Variants in NEDD4 observed in about 807,000 individuals in gnomAD.
NEDD4 encodes NEDD4 E3 ubiquitin protein ligase.
In NEDD4, 99 loss-of-function variants were observed where a neutral mutation model predicts 144.9. The ratio of observed to expected loss-of-function variants is 0.68; its 90% CI spans 0.58 to 0.81. NEDD4 has a LOEUF of 0.81. Among genes scored for constraint, NEDD4 ranks in the 30% least tolerant of loss-of-function variants. NEDD4 has a pLI of 0.00. For missense variants in NEDD4, 985 were observed against 1,065.9 expected, an observed-to-expected ratio of 0.92 and a Z score of 1.06; for synonymous variants, 318 against 350.6, an observed-to-expected ratio of 0.91 and a Z score of 1.04.
intron 12 of NEDD4, among the ~76,000 whole-genome samples, chr15:55,854,315 G>A (rs144322621): frequency 5.9e-5 from 9 of 152,242 alleles, no homozygotes; most frequent in Middle Eastern, 3.4e-3. Context: ...GGAGTCCTAC[G>A]TACTTTGGGG....
Position 55,891,911 on chromosome 15 carries a change from CAGTTA to C in NEDD4, c.292-17908_292-17904del, listed in dbSNP as rs1262331467. ...TAATAAAAAATCAGAATTTAAAAAA[CAGTTA>C]AGTTAAAGTGTCACAACTTTGAAGA... is the stretch of plus-strand genomic sequence containing the variant. On this transcript the variant is annotated intron_variant, in intron 5 of 28. Coordinates refer to ENST00000435532, the MANE Select transcript of NEDD4 (RefSeq NM_006154.4). 2.0e-5 allele frequency among the ~76,000 whole-genome samples: 3 copies of C among 152,062 alleles called. No homozygotes were observed. In the East Asian group the frequency reaches 5.8e-4, roughly 29 times the overall value.
intron 1 of NEDD4, among the ~76,000 whole-genome samples, chr15:55,966,834 G>A (rs1356083762): frequency 6.6e-6 from 1 of 152,024 alleles, no homozygotes; most frequent in Non-Finnish European, 1.5e-5. Context: ...CAACTAATAG[G>A]AATTTCCAAT....
chr15:55,965,857 G>A (rs1012173410), intron 2 of NEDD4, among the ~76,000 whole-genome samples: 6 of 151,850 alleles, frequency 4.0e-5, no homozygotes, highest in African/African-American at 7.3e-5. Flanking sequence ...CACCATGTTG[G>A]TCAGGCTGGT....
chr15:55,950,585 A>G (rs2037219952), intron 4 of NEDD4, among the ~76,000 whole-genome samples: 1 of 152,194 alleles, frequency 6.6e-6, no homozygotes, highest in Non-Finnish European at 1.5e-5. Context: ...GGCAGCAGGG[A>G]AGTCACTGGT....
At chr15:55,901,358 G>A (rs1444309890) in intron 5 of NEDD4, among the ~76,000 whole-genome samples, 1 of 152,070 alleles carries the variant, frequency 6.6e-6, no homozygotes, top group African/African-American at 2.4e-5. Context: ...ACCAATTATT[G>A]GATATTCAAT....
At chr15:55,844,309 G>T (rs1238557912) in intron 18 of NEDD4, among the ~76,000 whole-genome samples, 1 of 152,108 alleles carries the variant, frequency 6.6e-6, no homozygotes, top group African/African-American at 2.4e-5. Context: ...GGAGCCACAC[G>T]GTCAGATTGC....
intron 5 of NEDD4, among the ~76,000 whole-genome samples, chr15:55,921,308 G>A (rs1456304245): frequency 6.6e-6 from 1 of 151,874 alleles, no homozygotes; most frequent in Non-Finnish European, 1.5e-5. Flanking sequence ...AGTCCTTAGT[G>A]TGGGGATCTA....
chr15:55,903,961 A>AC (rs1172410879), intron 5 of NEDD4, among the ~76,000 whole-genome samples: 1 of 151,706 alleles, frequency 6.6e-6, no homozygotes, highest in Non-Finnish European at 1.5e-5. Context: ...GGAGTTTGAG[A>AC]CCAGCCTGGC....
chr15:55,974,891 C>CTT (rs56285555), intron 1 of NEDD4, among the ~76,000 whole-genome samples: 10,729 of 75,546 alleles, frequency 0.14, 1,543 homozygotes, highest in East Asian at 0.36. Flanking sequence ...CTTTTCCTTT[C>CTT]TTTTTTTTTT....
chr15:55,902,252 T>A (rs1378094605), intron 5 of NEDD4, among the ~76,000 whole-genome samples: 1 of 152,140 alleles, frequency 6.6e-6, no homozygotes, highest in Non-Finnish European at 1.5e-5. Flanking sequence ...GATGTGAATA[T>A]CAGAAAATAG....
At chr15:55,914,750 T>G (rs1205895160) in intron 5 of NEDD4, among the ~76,000 whole-genome samples, 1 of 152,002 alleles carries the variant, frequency 6.6e-6, no homozygotes, top group African/African-American at 2.4e-5. Context: ...ACACATGTAT[T>G]TGAGATATAG....
Position 55,834,290 on chromosome 15 carries a change from G to GA in NEDD4, c.2263-5dup, listed in dbSNP as rs745638113. On this transcript the variant is annotated splice_region_variant and splice_polypyrimidine_tract_variant and intron_variant, in intron 24 of 28. Transcript: ENST00000435532. ...GTGGTATTAGTTCAAAGAATCCCTA[G>GA]AAAAAAGATGTATTTAAAAACTTGA... 5 of 1,592,930 alleles carry GA rather than the reference G, an allele frequency of 3.1e-6. No homozygotes were observed. The highest frequency in any genetic ancestry group is 2.2e-5 in the East Asian group (1 of 44,728).
chr15:55,894,933 C>T (rs2035692117), intron 5 of NEDD4, among the ~76,000 whole-genome samples: 1 of 152,028 alleles, frequency 6.6e-6, no homozygotes, highest in Non-Finnish European at 1.5e-5. Context: ...ATATTGTATG[C>T]TCCTAAACTA....
chr15:55,917,210 A>G, intron 5 of NEDD4: 3 of 822,870 alleles, frequency 3.6e-6, no homozygotes, highest in East Asian at 1.1e-4. Flanking sequence ...AAGAACAACA[A>G]TCTTCTAACA....
intron 2 of NEDD4, among the ~76,000 whole-genome samples, chr15:55,956,235 T>C (rs1352855609): frequency 6.6e-6 from 1 of 152,212 alleles, no homozygotes; most frequent in Non-Finnish European, 1.5e-5. Context: ...CAGATATATG[T>C]CTAAAGATAC....
intron 8 of NEDD4, among the ~76,000 whole-genome samples, chr15:55,864,420 G>T (rs1409594575): frequency 2.6e-5 from 4 of 152,038 alleles, no homozygotes; most frequent in African/African-American, 9.7e-5. Flanking sequence ...GGTGGCTCAG[G>T]CCTATAATTC....
rs773102704 is a variant in NEDD4 at position 55,829,349 on chromosome 15, C to T, written c.*548G>A. On this transcript the variant is annotated 3_prime_UTR_variant, in exon 29 of 29. Transcript: ENST00000435532. ...CAAAGTTTTTTCCCAAAAATCTAGG[C>T]AGTAAGGTGCATAAGGCAGGTCTAC... 1 of 152,394 alleles carries T rather than the reference C, an allele frequency of 6.6e-6. No homozygotes were observed. Among genetic ancestry groups the T allele is most frequent in the Non-Finnish European group, 1.5e-5 (1 of 68,056 alleles). 9.4% of individuals were successfully genotyped at this position (152,394 alleles called of 1,614,324 possible).
At chr15:55,853,033 G>C (rs964045114) in intron 12 of NEDD4, among the ~76,000 whole-genome samples, 7 of 152,134 alleles carry the variant, frequency 4.6e-5, no homozygotes, top group African/African-American at 7.2e-5. Flanking sequence ...TTACAGGCAT[G>C]AGCCACTGTG....
At chr15:55,918,948 T>G (rs887036888) in intron 5 of NEDD4, among the ~76,000 whole-genome samples, 15 of 152,282 alleles carry the variant, frequency 9.9e-5, no homozygotes, top group Admixed American at 9.2e-4. Context: ...TCCCTTCTAA[T>G]AGGCTAATCA....
Sources: gnomAD v4.1 joint callset for allele counts (sites outside exome capture counted in the v4.1 genomes callset) on GRCh38, gnomAD v4.1.1 for gene constraint, MANE v1.5 for transcripts, NCBI Gene and HGNC (gene_info 2026-07-23, HGNC 2026-07-21) for gene names.